The following JAK1 variants were observed in gnomAD, a reference collection of about 807,000 sequenced individuals.
JAK1 encodes Janus kinase 1.
In JAK1, 16 loss-of-function variants were observed where a neutral mutation model predicts 136.6. The observed-to-expected ratio is 0.12, with a 90% CI of 0.08 to 0.18. The LOEUF (loss-of-function observed/expected upper bound fraction) is 0.18, where lower values mean the gene tolerates loss of function less well. JAK1 is among the 10% of genes least tolerant of loss of function. JAK1 has a pLI of 1.00. For synonymous variants in JAK1, 492 were observed against 519.5 expected (o/e 0.95, Z 0.72); for missense variants, 859 against 1,450.1 (o/e 0.59, Z 6.62).
chr1:64,896,459 G>T (rs906916213), intron 1 of JAK1, among the ~76,000 whole-genome samples: 2 of 152,182 alleles, frequency 1.3e-5, no homozygotes, highest in African/African-American at 4.8e-5. Context: ...AAGACTGAAG[G>T]ATAATTTGCA....
At chr1:65,011,647 T>G (rs749091727) in intron 2 of JAK1, among the ~76,000 whole-genome samples, 8 of 152,218 alleles carry the variant, frequency 5.3e-5, no homozygotes, top group Non-Finnish European at 1.0e-4. Flanking sequence ...TTTTATAGTA[T>G]AAGGAGACAT....
chr1:64,955,948 G>A (rs770816997), intron 1 of JAK1, among the ~76,000 whole-genome samples: 7 of 152,330 alleles, frequency 4.6e-5, no homozygotes, highest in South Asian at 2.1e-4. Flanking sequence ...CTGGCCTGCC[G>A]CTGCCCATTT....
intron 1 of JAK1, among the ~76,000 whole-genome samples, chr1:65,057,133 C>T (rs555415619): frequency 1.3e-5 from 2 of 152,140 alleles, no homozygotes; most frequent in African/African-American, 2.4e-5. Context: ...GGTAATATAC[C>T]CGATTAGGCT....
rs1341944358 is a variant in JAK1 at position 65,056,934 on chromosome 1, A to C, written c.-181+10670T>G. The stretch of plus-strand genomic sequence containing the variant: ...TGAGACTCTTTCTTTAAAAAAAAAA[A>C]AAAAAAAAAAAGTCACAAATGGTTT... On this transcript the variant is annotated intron_variant, in intron 1 of 25. Transcript: ENST00000671954. 5.0e-3 allele frequency among the ~76,000 whole-genome samples: 753 copies of C among 151,138 alleles called. 6 individuals carry two copies. The highest frequency in any genetic ancestry group is 0.017 in the African/African-American group (717 of 41,234).
intron 9 of JAK1, 23 bp from the exon 10 acceptor site, chr1:64,857,802 G>A: frequency 1.2e-6 from 2 of 1,613,692 alleles, no homozygotes; most frequent in Admixed American, 1.7e-5. Flanking sequence ...GTAGGCAAAG[G>A]GAGAAAGAGC....
At chr1:64,966,589 C>T (rs1403059770), upstream of JAK1, 1 of 146,976 alleles carries the variant, frequency 6.8e-6, no homozygotes, top group Admixed American at 6.7e-5. Flanking sequence ...CGCGGCCGGC[C>T]CCACCCCCGT....
chr1:65,053,332 A>G (rs1019260521), intron 1 of JAK1, among the ~76,000 whole-genome samples: 4 of 152,208 alleles, frequency 2.6e-5, no homozygotes, highest in African/African-American at 9.7e-5. Context: ...GCGACAGAGC[A>G]AGACTCCGCC....
chr1:64,968,931 CAAAAAAAAAAAA>C (rs10708307), upstream of JAK1, among the ~76,000 whole-genome samples: 1 of 64,048 alleles, frequency 1.6e-5, no homozygotes, highest in African/African-American at 6.0e-5. Flanking sequence ...GACTCCCTCT[CAAAAAAAAAAAA>C]AAAAAAAAAA....
At chr1:64,988,980 A>G (rs113657317) in intron 2 of JAK1, among the ~76,000 whole-genome samples, 7,732 of 122,016 alleles carry the variant, frequency 0.063, 291 homozygotes, top group South Asian at 0.12. Flanking sequence ...ATATATATGT[A>G]TATGTGTGTG....
chr1:64,960,383 CT>C (rs1366996236), intron 1 of JAK1, among the ~76,000 whole-genome samples: 2 of 152,308 alleles, frequency 1.3e-5, no homozygotes, highest in East Asian at 3.9e-4. Flanking sequence ...GCGTAACTTG[CT>C]TGCAAACTCA....
At chr1:65,008,592 A>T (rs1052455965) in intron 2 of JAK1, among the ~76,000 whole-genome samples, 13 of 151,948 alleles carry the variant, frequency 8.6e-5, no homozygotes, top group Non-Finnish European at 1.6e-4. Context: ...ACAGCTGTAC[A>T]GGTTCATATA....
chr1:64,837,720 G>A (rs559333776), intron 22 of JAK1, among the ~76,000 whole-genome samples: 1 of 152,314 alleles, frequency 6.6e-6, no homozygotes, highest in East Asian at 1.9e-4. Context: ...GTCATATGAA[G>A]CTCAGTCATT....
At chr1:64,853,363 C>T (rs1193061272) in intron 11 of JAK1, among the ~76,000 whole-genome samples, 2 of 152,108 alleles carry the variant, frequency 1.3e-5, no homozygotes, top group African/African-American at 4.8e-5. Context: ...AGGGTGGGGG[C>T]AGTGGTACAG....
intron 2 of JAK1, among the ~76,000 whole-genome samples, chr1:65,022,353 C>T (rs143552064): frequency 6.6e-6 from 1 of 152,144 alleles, no homozygotes; most frequent in East Asian, 1.9e-4. Flanking sequence ...GCTAGTGAAG[C>T]AATTAAGGGC....
intron 1 of JAK1, among the ~76,000 whole-genome samples, chr1:64,912,835 A>AT (rs1645307869): frequency 6.6e-6 from 1 of 152,142 alleles, no homozygotes; most frequent in South Asian, 2.1e-4. Flanking sequence ...ATCAAAGGTA[A>AT]TTTTTTCCAG....
intron 2 of JAK1, 145 bp from the exon 3 acceptor site, chr1:64,883,620 G>A: frequency 1.7e-6 from 1 of 599,952 alleles, no homozygotes; most frequent in Non-Finnish European, 2.9e-6. Flanking sequence ...TTCCCTTCCT[G>A]GAAACCAAAC....
chr1:64,926,146 C>T (rs543762267), intron 1 of JAK1, among the ~76,000 whole-genome samples: 21 of 152,274 alleles, frequency 1.4e-4, no homozygotes, highest in South Asian at 1.0e-3. Context: ...CTGAAAGCTT[C>T]GCAATGGCAT....
intron 2 of JAK1, among the ~76,000 whole-genome samples, chr1:65,026,366 G>A (rs904777289): frequency 9.2e-5 from 14 of 152,076 alleles, no homozygotes; most frequent in Non-Finnish European, 1.5e-4. Context: ...ACAGCCTGGG[G>A]TATAAGACAG....
At chr1:64,943,132 T>C (rs755324027) in intron 1 of JAK1, among the ~76,000 whole-genome samples, 16 of 152,230 alleles carry the variant, frequency 1.1e-4, no homozygotes, top group Non-Finnish European at 2.1e-4. Context: ...AACTAAACTT[T>C]ATTATATCAA....
Sources: gnomAD v4.1 joint callset for allele counts (sites outside exome capture counted in the v4.1 genomes callset) on GRCh38, gnomAD v4.1.1 for gene constraint, MANE v1.5 for transcripts, NCBI Gene and HGNC (gene_info 2026-07-23, HGNC 2026-07-21) for gene names.